Variants in COL4A2 observed in about 807,000 individuals in gnomAD.
COL4A2 encodes collagen type IV alpha 2 chain.
Under a neutral mutation model 200.2 loss-of-function variants are expected in COL4A2, and 99 were observed. That is an observed-to-expected ratio of 0.49 (90% confidence interval 0.42 to 0.58). The LOEUF is 0.58. Among genes scored for constraint, COL4A2 ranks in the 20% least tolerant of loss-of-function variants. The probability of loss-of-function intolerance (pLI) is 0.00; values close to 1 mark genes in which losing one functional copy is unlikely to be tolerated. For missense variants in COL4A2, 1,950 were observed against 2,314.1 expected, an observed-to-expected ratio of 0.84 and a Z score of 3.23; for synonymous variants, 897 against 900.6, an observed-to-expected ratio of 1.00 and a Z score of 0.07.
chr13:110,477,070 C>G lies in COL4A2; in HGVS notation c.2426-933C>G, dbSNP rs368624264. On this transcript the variant is annotated intron_variant, in intron 29 of 47. Transcript: ENST00000360467. ...CAGAGGAAAATAGGAGCAAAGAGGC[C>G]GGGCACAGTGGCTCATGCCTGTAAT... Among the ~76,000 whole-genome samples the G allele has an allele frequency of 4.9e-4, 75 of 152,246 alleles. 1 individual carries two copies. In the South Asian group the frequency reaches 0.011, roughly 22 times the overall value.
intron 18 of COL4A2, among the ~76,000 whole-genome samples, chr13:110,449,162 C>A (rs1307845634): frequency 6.6e-6 from 1 of 152,274 alleles, no homozygotes; most frequent in Non-Finnish European, 1.5e-5. Flanking sequence ...TCTTCTCATT[C>A]TTCTCATCTT....
At chr13:110,359,445 A>G (rs2139390541) in intron 4 of COL4A2, among the ~76,000 whole-genome samples, 1 of 152,238 alleles carries the variant, frequency 6.6e-6, no homozygotes, top group South Asian at 2.1e-4. Context: ...TCATGTATCT[A>G]CCCTAGGACA....
intron 44 of COL4A2, 30 bp downstream of exon 44, chr13:110,504,023 C>T (rs1342158114): frequency 6.4e-7 from 1 of 1,561,528 alleles, no homozygotes; most frequent in South Asian, 1.2e-5. Context: ...CCTGGAGCCC[C>T]TCGGGGCTGC....
intron 3 of COL4A2, among the ~76,000 whole-genome samples, chr13:110,348,372 C>T (rs531602597): frequency 1.2e-4 from 19 of 152,312 alleles, no homozygotes; most frequent in Non-Finnish European, 2.1e-4. Context: ...CTTTGCTGCC[C>T]GGCATATAGA....
chr13:110,310,174 C>T (rs1046662399), intron 3 of COL4A2, among the ~76,000 whole-genome samples: 1 of 152,236 alleles, frequency 6.6e-6, no homozygotes, highest in Non-Finnish European at 1.5e-5. Flanking sequence ...AGCTCACCCC[C>T]AGTCTCTTTG....
At chr13:110,432,256 T>A in intron 10 of COL4A2, 69 bp from the exon 11 acceptor site, 1 of 1,536,382 alleles carries the variant, frequency 6.5e-7, no homozygotes, top group African/African-American at 1.4e-5. Context: ...TTCCCAGAGC[T>A]TTCCACCAGA....
At chr13:110,507,259 C>A (rs1883918304) in intron 46 of COL4A2, among the ~76,000 whole-genome samples, 1 of 152,182 alleles carries the variant, frequency 6.6e-6, no homozygotes, top group African/African-American at 2.4e-5. Context: ...ATGGTGCCTT[C>A]ACATTCCTGC....
chr13:110,485,799 C>G lies in COL4A2; in HGVS notation c.3170C>G (p.Pro1057Arg). 6.2e-7 allele frequency: 1 copy of G among 1,613,776 alleles called. No homozygotes were observed. The highest frequency in any genetic ancestry group is 8.5e-7 in the Non-Finnish European group (1 of 1,179,884). The change falls in exon 34 of 48, where the codon CCT becomes CGT. Residue 1057 changes from proline to arginine, a missense_variant. Physicochemically the swap from Pro to Arg is moderately radical, Grantham distance 103 (BLOSUM62 -2). Around this residue, in one of 2 missense-constraint regions of COL4A2, gnomAD observed 1,385 missense variants for 1,720.5 expected, o/e 0.80. Coordinates refer to ENST00000360467, the MANE Select transcript of COL4A2 (RefSeq NM_001846.4). ...LPGFPGVAGP[P>R]GITGFPGFIG... is the part of the protein sequence containing the mutation. ...GGATTCCCTGGGGTGGCTGGCCCCC[C>G]TGGAATTACGGGATTCCCAGGATTC... is the stretch of plus-strand genomic sequence containing the variant.
At chr13:110,340,671 G>A (rs1294101472) in intron 3 of COL4A2, among the ~76,000 whole-genome samples, 1 of 152,216 alleles carries the variant, frequency 6.6e-6, no homozygotes, top group Non-Finnish European at 1.5e-5. Flanking sequence ...GAGCAGTCCT[G>A]TAGCTCATGA....
chr13:110,450,222 A>C, intron 19 of COL4A2, 83 bp from the exon 20 acceptor site: 9 of 1,229,128 alleles, frequency 7.3e-6, no homozygotes, highest in Non-Finnish European at 1.1e-5. Flanking sequence ...CTAGTGCCCC[A>C]GTGGGCCCCT....
intron 40 of COL4A2, among the ~76,000 whole-genome samples, chr13:110,497,268 C>T (rs1594109646): frequency 6.8e-6 from 1 of 147,030 alleles, no homozygotes; most frequent in Non-Finnish European, 1.5e-5. Context: ...CACAGCCTCA[C>T]TCAGGGGTGA....
intron 3 of COL4A2, among the ~76,000 whole-genome samples, chr13:110,331,600 T>G (rs2139362043): frequency 6.6e-6 from 1 of 152,300 alleles, no homozygotes; most frequent in East Asian, 1.9e-4. Context: ...CGGCAGCTCT[T>G]GATTCAAATC....
chr13:110,485,742 A>C lies in COL4A2; in HGVS notation c.3113A>C (p.Asp1038Ala). 1 of 1,613,830 alleles carries C rather than the reference A, an allele frequency of 6.2e-7. No homozygotes were observed. ...GGCCACATCAAAGGAGTCAAGGGAGACATCGGAGTCCCCGGCATCCCCGGT... is the reference window on the plus strand; with the variant it reads ...GGCCACATCAAAGGAGTCAAGGGAGCCATCGGAGTCCCCGGCATCCCCGGT... The part of the protein sequence containing the change: ...RPGHIKGVKG[D>A]IGVPGIPGLP... Residue 1038 changes from aspartate (D) to alanine (A), a missense_variant, in exon 34 of 48, where the codon GAC becomes GCC. Physicochemically the swap from Asp to Ala is moderately radical, Grantham distance 126. Coordinates refer to ENST00000360467, the MANE Select transcript of COL4A2 (RefSeq NM_001846.4).
At chr13:110,459,178 T>G in intron 22 of COL4A2, 2 of 395,774 alleles carry the variant, frequency 5.1e-6, no homozygotes, top group African/African-American at 2.1e-5. Context: ...AAGAGTTCAA[T>G]AGGGGGTCAC....
chr13:110,438,970 C>G (rs1164044741), intron 15 of COL4A2, among the ~76,000 whole-genome samples: 1 of 152,218 alleles, frequency 6.6e-6, no homozygotes, highest in Non-Finnish European at 1.5e-5. Flanking sequence ...CAAAACCTTT[C>G]TGGTTGTGTG....
chr13:110,360,267 C>T (rs566285971), intron 4 of COL4A2, among the ~76,000 whole-genome samples: 70 of 152,328 alleles, frequency 4.6e-4, no homozygotes, highest in African/African-American at 1.6e-3. Flanking sequence ...ATCAGATAAA[C>T]AGAACCCAAA....
At chr13:110,474,704 T>C (rs74622805) in intron 29 of COL4A2, among the ~76,000 whole-genome samples, 3,536 of 54,040 alleles carry the variant, frequency 0.065, 765 homozygotes, top group Middle Eastern at 0.12. Flanking sequence ...CGTGCCTGTG[T>C]ACACTCACAT....
In COL4A2 at chr13:110,458,251, A is replaced by G. The variant is rs568836160; in HGVS notation, c.1433-520A>G. ...GGGGGAGCCAACCCCTGCCGCCAGC[A>G]TGGTGCTGCCTTGCTGCCCAACTCC... On this transcript the variant is annotated intron_variant, in intron 21 of 47. Transcript: ENST00000360467. 6.1e-5 allele frequency: 25 copies of G among 408,112 alleles called. No homozygotes were observed. In the East Asian group the frequency reaches 1.8e-3, roughly 29 times the overall value. The allele number at this position is 408,112 out of a possible 1,614,324, so 25.3% of individuals were successfully genotyped here. A position where few individuals can be genotyped will look rare whatever the true frequency, so the allele number is the denominator to read the frequency against.
chr13:110,434,670 G>A (rs1277597703), intron 12 of COL4A2, among the ~76,000 whole-genome samples: 2 of 152,204 alleles, frequency 1.3e-5, no homozygotes, highest in Non-Finnish European at 1.5e-5. Context: ...TAGGCTAGCC[G>A]AGACTCTGAC....
Sources: allele counts gnomAD v4.1 joint callset (sites outside exome capture counted in the v4.1 genomes callset), GRCh38; gene constraint gnomAD v4.1.1; regional missense constraint gnomAD v4.1.1; transcripts MANE v1.5; gene names NCBI Gene and HGNC (gene_info 2026-07-23, HGNC 2026-07-21).